The following CAMKMT variants were observed in gnomAD, a reference collection of about 807,000 sequenced individuals.
The protein encoded by CAMKMT is CaM KMT.
Under a neutral mutation model 48.0 loss-of-function variants are expected in CAMKMT, and 53 were observed. The ratio of observed to expected loss-of-function variants is 1.10; its 90% CI spans 0.89 to 1.39. The LOEUF (loss-of-function observed/expected upper bound fraction) is 1.39, where lower values mean the gene tolerates loss of function less well. Ranked by LOEUF, CAMKMT falls within the 40% of genes most tolerant of loss-of-function variation. The probability of loss-of-function intolerance (pLI) is 0.00; values close to 1 mark genes in which losing one functional copy is unlikely to be tolerated. For missense variants in CAMKMT, 428 were observed against 402.7 expected (o/e 1.06, Z -0.54); for synonymous variants, 165 against 152.3 (o/e 1.08, Z -0.61).
At chr2:44,469,317 A>T (rs1668293274) in intron 3 of CAMKMT, among the ~76,000 whole-genome samples, 1 of 151,222 alleles carries the variant, frequency 6.6e-6, no homozygotes, top group Non-Finnish European at 1.5e-5. Flanking sequence ...TGAGTGTCTT[A>T]ATCTATTTGG....
intron 7 of CAMKMT, among the ~76,000 whole-genome samples, chr2:44,727,775 A>G (rs1033198402): frequency 6.6e-6 from 1 of 152,148 alleles, no homozygotes; most frequent in East Asian, 1.9e-4. Flanking sequence ...ATTTTGAGGT[A>G]TGTTCCTTCT....
chr2:44,478,158 A>G (rs1190935093), intron 3 of CAMKMT, among the ~76,000 whole-genome samples: 1 of 152,212 alleles, frequency 6.6e-6, no homozygotes, highest in African/African-American at 2.4e-5. Flanking sequence ...AAACATGATA[A>G]ATATCTGGAT....
intron 3 of CAMKMT, among the ~76,000 whole-genome samples, chr2:44,513,491 A>C (rs752467135): frequency 8.5e-5 from 13 of 152,116 alleles, no homozygotes; most frequent in Non-Finnish European, 1.6e-4. Flanking sequence ...TTGAATTTTT[A>C]TTATCCTGCT....
chr2:44,745,885 C>T (rs138269999), intron 8 of CAMKMT, among the ~76,000 whole-genome samples: 4 of 152,262 alleles, frequency 2.6e-5, no homozygotes, highest in South Asian at 2.1e-4. Context: ...CAGGATTCCA[C>T]GAGTTCTTTA....
chr2:44,396,367 A>G (rs1165984685), intron 3 of CAMKMT, among the ~76,000 whole-genome samples: 2 of 152,150 alleles, frequency 1.3e-5, no homozygotes, highest in South Asian at 2.1e-4. Flanking sequence ...ATGAAGATGT[A>G]TTTTCTTTAT....
chr2:44,713,105 A>G (rs73924534), intron 6 of CAMKMT, among the ~76,000 whole-genome samples: 5,039 of 152,240 alleles, frequency 0.033, 266 homozygotes, highest in African/African-American at 0.12. Context: ...ATATAAATAC[A>G]TATGTTTGCT....
rs1183185165 is a variant in CAMKMT, at chr2:44,454,361, G to T, written c.376+64056G>T. Among the ~76,000 whole-genome samples the T allele has an allele frequency of 8.5e-5, 13 of 152,226 alleles. No individual in the cohort carries two copies. In the South Asian group the frequency reaches 1.7e-3, roughly 19 times the overall value. ...ACTCAACGAAATCTGGGTGAACAAA[G>T]TAAGTAAACTGAGTACTTTACCCAA... On this transcript the variant is annotated intron_variant, in intron 3 of 10. Transcript: ENST00000378494.
At chr2:44,565,209 A>G (rs1436169004) in intron 3 of CAMKMT, among the ~76,000 whole-genome samples, 1 of 152,224 alleles carries the variant, frequency 6.6e-6, no homozygotes, top group African/African-American at 2.4e-5. Flanking sequence ...AACACCTTCA[A>G]ACATTTTTAT....
intron 3 of CAMKMT, among the ~76,000 whole-genome samples, chr2:44,552,270 CG>C (rs1667758188): frequency 6.6e-6 from 1 of 151,944 alleles, no homozygotes; most frequent in South Asian, 2.1e-4. Context: ...AATGATATTT[CG>C]ATTGTACTCA....
In CAMKMT at chr2:44,603,683, G is replaced by C. The variant is rs113984704; in HGVS notation, c.377-100600G>C. Among the ~76,000 whole-genome samples the C allele has an allele frequency of 2.1e-3, 314 of 152,246 alleles. 1 individual carries two copies. In the Middle Eastern group the frequency reaches 0.024, roughly 12 times the overall value. ...CACTTGATAAATTCCTGGAATTGGA[G>C]TTACTTAATAAAAAGGTATACATAC... On this transcript the variant is annotated intron_variant, in intron 3 of 10. Transcript: ENST00000378494.
At position 44,772,454 on chromosome 2, in the gene CAMKMT, T is replaced by G; in HGVS notation, c.*341T>G. 5.1e-6 allele frequency: 1 copy of G among 197,950 alleles called. No individual in the cohort carries two copies. Among genetic ancestry groups the G allele is most frequent in the Non-Finnish European group, 1.0e-5 (1 of 99,434 alleles). The allele number at this position is 197,950 out of a possible 1,614,324, so 12.3% of individuals were successfully genotyped here. On this transcript the variant is annotated 3_prime_UTR_variant, in exon 11 of 11. Transcript: ENST00000378494. ...ACAGAATTTCTTTTGATGATACCCATCCCTCCTTCATTTTTTTTTTTTTTT... is the reference window on the plus strand; with the variant it reads ...ACAGAATTTCTTTTGATGATACCCAGCCCTCCTTCATTTTTTTTTTTTTTT...
At chr2:44,718,950 T>C (rs1324226031) in intron 7 of CAMKMT, among the ~76,000 whole-genome samples, 2 of 152,224 alleles carry the variant, frequency 1.3e-5, no homozygotes, top group African/African-American at 4.8e-5. Flanking sequence ...TATTGCTTTT[T>C]AAAGATTTAT....
chr2:44,608,294 G>C (rs977162168), intron 3 of CAMKMT, among the ~76,000 whole-genome samples: 4 of 151,786 alleles, frequency 2.6e-5, no homozygotes, highest in African/African-American at 7.3e-5. Flanking sequence ...AGATGGTCTC[G>C]ATCTCCTGAC....
intron 3 of CAMKMT, among the ~76,000 whole-genome samples, chr2:44,457,829 A>G: frequency 6.6e-6 from 1 of 152,170 alleles, no homozygotes; most frequent in Non-Finnish European, 1.5e-5. Context: ...CTCAACAGAA[A>G]TTCCAGATGT....
intron 2 of CAMKMT, among the ~76,000 whole-genome samples, chr2:44,376,611 T>C (rs1679724637): frequency 6.6e-6 from 1 of 152,192 alleles, no homozygotes; most frequent in Non-Finnish European, 1.5e-5. Context: ...AAACTTTTGC[T>C]ACCCATTCAT....
intron 3 of CAMKMT, among the ~76,000 whole-genome samples, chr2:44,464,186 C>G (rs1667994149): frequency 6.6e-6 from 1 of 152,036 alleles, no homozygotes; most frequent in African/African-American, 2.4e-5. Flanking sequence ...CTGAAGAAAA[C>G]AACTGGTTAG....
rs539230726 is a variant in CAMKMT at position 44,595,002 on chromosome 2, A to G, written c.377-109281A>G. ...ATCAAAAAGTGGGTGAAGGATATGA[A>G]CGGACGCCTGTCAAAAGAAGACGTT... On this transcript the variant is annotated intron_variant, in intron 3 of 10. Coordinates refer to ENST00000378494, the MANE Select transcript of CAMKMT (RefSeq NM_024766.5). 6.6e-5 allele frequency among the ~76,000 whole-genome samples: 10 copies of G among 152,360 alleles called. 1 individual carries two copies. Among genetic ancestry groups the G allele is most frequent in the Admixed American group, 2.0e-4 (3 of 15,308 alleles).
chr2:44,646,567 C>CTCA (rs1488519062), intron 3 of CAMKMT, among the ~76,000 whole-genome samples: 1 of 152,158 alleles, frequency 6.6e-6, no homozygotes, highest in Non-Finnish European at 1.5e-5. Flanking sequence ...TCAGAATCTC[C>CTCA]TCACCAAATC....
intron 3 of CAMKMT, among the ~76,000 whole-genome samples, chr2:44,623,646 C>T (rs1355622412): frequency 6.6e-6 from 1 of 151,972 alleles, no homozygotes; most frequent in Non-Finnish European, 1.5e-5. Context: ...AGATGTGTGG[C>T]TTTATCTCTG....
Sources: allele counts gnomAD v4.1 joint callset (sites outside exome capture counted in the v4.1 genomes callset), GRCh38; gene constraint gnomAD v4.1.1; transcripts MANE v1.5; gene names NCBI Gene and HGNC (gene_info 2026-07-23, HGNC 2026-07-21).